Variants in FAM135B observed in about 807,000 individuals in gnomAD.
FAM135B encodes the protein protein FAM135B.
A neutral mutation model predicts 127.7 loss-of-function variants in FAM135B; 43 were observed. The ratio of observed to expected loss-of-function variants is 0.34; its 90% CI spans 0.26 to 0.43. The LOEUF is 0.43. FAM135B is among the 20% of genes least tolerant of loss of function. The pLI is 1.00. For synonymous variants in FAM135B, 670 were observed against 665.1 expected (o/e 1.01, Z -0.11); for missense variants, 1,558 against 1,725.6 (o/e 0.90, Z 1.72).
intron 2 of FAM135B, among the ~76,000 whole-genome samples, chr8:138,334,615 C>T (rs1828428112): frequency 6.6e-6 from 1 of 152,138 alleles, no homozygotes; most frequent in African/African-American, 2.4e-5. Context: ...CATCATCTAA[C>T]TTCTACTTAT....
chr8:138,257,893 A>AAT (rs1554646130), intron 4 of FAM135B, among the ~76,000 whole-genome samples: 2 of 139,732 alleles, frequency 1.4e-5, no homozygotes, highest in Non-Finnish European at 3.3e-5. Context: ...AATAAAAAAA[A>AAT]AAATAAAACA....
At chr8:138,459,181 T>G (rs1051716322) in intron 1 of FAM135B, 1 of 152,028 alleles carries the variant, frequency 6.6e-6, no homozygotes, top group African/African-American at 2.4e-5. Context: ...AGAAGGACAT[T>G]AAAGGACTCA....
chr8:138,397,186 C>T lies in FAM135B; in HGVS notation c.-19-29184G>A, dbSNP rs186496452. ...ACGGAAGGCTGGGCTCCGTGACAGA[C>T]GAAATGTTTCACAGAAATCTGGAGC... On this transcript the variant is annotated intron_variant, in intron 1 of 19. Transcript: ENST00000395297. 2.8e-4 allele frequency among the ~76,000 whole-genome samples: 43 copies of T among 152,262 alleles called. No homozygotes were observed. In the South Asian group the frequency reaches 6.0e-3, roughly 21 times the overall value.
At chr8:138,159,701 C>A (rs1235629314) in intron 12 of FAM135B, among the ~76,000 whole-genome samples, 2 of 151,980 alleles carry the variant, frequency 1.3e-5, no homozygotes, top group African/African-American at 4.8e-5. Context: ...CACATGTATA[C>A]ATATGTAACA....
In FAM135B at chr8:138,139,142, C is replaced by T. The variant is rs114482324; in HGVS notation, c.3791-46G>A. 1,015 of 1,219,964 alleles carry T rather than the reference C, an allele frequency of 8.3e-4. 14 individuals are homozygous for T. The African/African-American group carries it at 0.014, about 17-fold the overall frequency. The allele number at this position is 1,219,964 out of a possible 1,614,324, so 75.6% of individuals were successfully genotyped here. A position where few individuals can be genotyped will look rare whatever the true frequency, so the allele number is the denominator to read the frequency against. ...TAAAAATCAAAAACACAAAACAAAA[C>T]AAAAACTAACTGGGATGGAATTTTG... On this transcript the variant is annotated intron_variant, in intron 17 of 19. Coordinates refer to ENST00000395297, the MANE Select transcript of FAM135B (RefSeq NM_015912.4).
At chr8:138,469,854 A>T (rs1394982348) in intron 1 of FAM135B, among the ~76,000 whole-genome samples, 2 of 152,208 alleles carry the variant, frequency 1.3e-5, no homozygotes, top group Non-Finnish European at 2.9e-5. Context: ...TTCTCAAGCT[A>T]GCAGCATTAA....
intron 2 of FAM135B, among the ~76,000 whole-genome samples, chr8:138,314,356 C>T (rs1283601086): frequency 1.3e-5 from 2 of 152,048 alleles, no homozygotes; most frequent in African/African-American, 2.4e-5. Context: ...ACAGAACATA[C>T]TACTGTAAAT....
chr8:138,259,329 A>C (rs1446013155), intron 4 of FAM135B, among the ~76,000 whole-genome samples: 2 of 152,202 alleles, frequency 1.3e-5, no homozygotes, highest in African/African-American at 4.8e-5. Flanking sequence ...TCTGAAACCC[A>C]GATACACGTG....
At chr8:138,301,559 A>G (rs34108146) in intron 3 of FAM135B, among the ~76,000 whole-genome samples, 55,040 of 151,862 alleles carry the variant, frequency 0.36, 10,243 homozygotes, top group South Asian at 0.43. Context: ...CTCTGTCTTC[A>G]GATGTGGCTT....
At chr8:138,371,367 T>C (rs1473908265) in intron 1 of FAM135B, among the ~76,000 whole-genome samples, 1 of 151,962 alleles carries the variant, frequency 6.6e-6, no homozygotes, top group Non-Finnish European at 1.5e-5. Context: ...AACACACAGA[T>C]ACATACAATA....
At chr8:138,324,989 C>A (rs1216611526) in intron 2 of FAM135B, among the ~76,000 whole-genome samples, 2 of 152,080 alleles carry the variant, frequency 1.3e-5, no homozygotes, top group Non-Finnish European at 2.9e-5. Context: ...TGAACTTTCC[C>A]AGGATAAGTA....
intron 12 of FAM135B, among the ~76,000 whole-genome samples, chr8:138,167,556 G>A (rs1439299233): frequency 6.6e-6 from 1 of 152,154 alleles, no homozygotes; most frequent in Non-Finnish European, 1.5e-5. Flanking sequence ...GCACATTTGA[G>A]ATAAGAAAGA....
chr8:138,287,463 T>C (rs1824779866), intron 3 of FAM135B, among the ~76,000 whole-genome samples: 1 of 149,904 alleles, frequency 6.7e-6, no homozygotes, highest in Non-Finnish European at 1.5e-5. Context: ...TTTTTTTTTT[T>C]TTCAAATCTG....
At chr8:138,207,841 A>C (rs1388442281) in intron 7 of FAM135B, among the ~76,000 whole-genome samples, 1 of 152,200 alleles carries the variant, frequency 6.6e-6, no homozygotes, top group African/African-American at 2.4e-5. Flanking sequence ...GCCCTGGGGT[A>C]GCCTGGTGAA....
chr8:138,277,299 A>C (rs73439069), intron 3 of FAM135B, among the ~76,000 whole-genome samples: 1 of 152,144 alleles, frequency 6.6e-6, no homozygotes, highest in Non-Finnish European at 1.5e-5. Context: ...CTGTCTGTGC[A>C]TGGACACGGG....
At chr8:138,484,328 G>C (rs772534602) in intron 1 of FAM135B, among the ~76,000 whole-genome samples, 2 of 152,112 alleles carry the variant, frequency 1.3e-5, no homozygotes, top group African/African-American at 4.8e-5. Context: ...GTTTTATTTG[G>C]GTTTCTTTAT....
intron 4 of FAM135B, among the ~76,000 whole-genome samples, 190 bp from the exon 5 acceptor site, chr8:138,256,949 C>T (rs1315035107): frequency 2.0e-5 from 3 of 152,048 alleles, no homozygotes; most frequent in Admixed American, 6.6e-5. Flanking sequence ...GAGTATTACA[C>T]AAAAAGAAAA....
chr8:138,452,113 C>T (rs917383440), intron 1 of FAM135B, among the ~76,000 whole-genome samples: 3 of 150,590 alleles, frequency 2.0e-5, no homozygotes, highest in African/African-American at 4.9e-5. Context: ...CTATTTCATC[C>T]ACCCAATCTG....
At chr8:138,381,446 T>G (rs1366239902) in intron 1 of FAM135B, among the ~76,000 whole-genome samples, 4 of 152,100 alleles carry the variant, frequency 2.6e-5, no homozygotes. Context: ...CCCCCAACCT[T>G]GCCTTGTGCA....
Sources: allele counts gnomAD v4.1 joint callset (sites outside exome capture counted in the v4.1 genomes callset), GRCh38; gene constraint gnomAD v4.1.1; transcripts MANE v1.5; gene names NCBI Gene and HGNC (gene_info 2026-07-23, HGNC 2026-07-21).